Variants in CNIH3 observed in about 807,000 individuals in gnomAD.
CNIH3 encodes cornichon family AMPA receptor auxiliary protein 3, also known as protein cornichon homolog 3.
In CNIH3, 14 loss-of-function variants were observed where a neutral mutation model predicts 24.1. The ratio of observed to expected loss-of-function variants is 0.58; its 90% CI spans 0.38 to 0.91. The LOEUF (loss-of-function observed/expected upper bound fraction) is 0.91. CNIH3 is among the 40% of genes least tolerant of loss of function. The pLI, the probability that CNIH3 is intolerant of heterozygous loss-of-function variation, is 0.00. For missense variants in CNIH3, 178 were observed against 196.8 expected (o/e 0.90, Z 0.57); for synonymous variants, 68 against 73.8 (o/e 0.92, Z 0.40).
intron 2 of CNIH3, among the ~76,000 whole-genome samples, chr1:224,544,796 C>T (rs880368): frequency 0.17 from 26,276 of 152,170 alleles, 2,446 homozygotes; most frequent in South Asian, 0.35. Flanking sequence ...GTCACTATTG[C>T]TGTTGCTATT....
chr1:224,542,702 C>T (rs929042955), intron 2 of CNIH3, among the ~76,000 whole-genome samples: 38 of 152,226 alleles, frequency 2.5e-4, no homozygotes, highest in Middle Eastern at 3.4e-3. Flanking sequence ...TTAGGCAGCC[C>T]AAAGACAGCC....
At chr1:224,693,316 C>G (rs1460913499) in intron 3 of CNIH3, among the ~76,000 whole-genome samples, 1 of 152,218 alleles carries the variant, frequency 6.6e-6, no homozygotes, top group African/African-American at 2.4e-5. Context: ...TGGGCACTGG[C>G]TTTTCACTGG....
In CNIH3 at chr1:224,708,184, C is replaced by T. The variant is rs1201557088; in HGVS notation, c.199-22278C>T. Among the ~76,000 whole-genome samples the T allele has an allele frequency of 2.6e-5, 4 of 152,038 alleles. No homozygotes were observed. In the East Asian group the frequency reaches 5.8e-4, roughly 22 times the overall value. On this transcript the variant is annotated intron_variant, in intron 3 of 5. Transcript: ENST00000272133. ...TGTTGATGCTGAGTTCCCTATTTCC[C>T]CCTCCACTTCCTGTCCTCACCTCTC...
chr1:224,508,039 A>T (rs1316727645), intron 1 of CNIH3, among the ~76,000 whole-genome samples: 1 of 152,248 alleles, frequency 6.6e-6, no homozygotes, highest in African/African-American at 2.4e-5. Flanking sequence ...CTGCCATGCC[A>T]GAGTAGTGAA....
chr1:224,680,420 C>T (rs1686343659), intron 1 of CNIH3, among the ~76,000 whole-genome samples: 1 of 152,220 alleles, frequency 6.6e-6, no homozygotes, highest in Non-Finnish European at 1.5e-5. Context: ...AAGGACTGTG[C>T]TTTGAAGTGC....
intron 4 of CNIH3, chr1:224,574,619 G>C: frequency 1.2e-6 from 1 of 849,604 alleles, no homozygotes. Context: ...TTCGGGAGAA[G>C]CTCAGGGAGC....
At chr1:224,496,517 C>T (rs1474733028) in intron 1 of CNIH3, among the ~76,000 whole-genome samples, 1 of 152,194 alleles carries the variant, frequency 6.6e-6, no homozygotes, top group Non-Finnish European at 1.5e-5. Context: ...AGTATGAGCA[C>T]AGGCCAAGCA....
chr1:224,709,174 G>A (rs1018576429), intron 3 of CNIH3, among the ~76,000 whole-genome samples: 17 of 152,000 alleles, frequency 1.1e-4, no homozygotes, highest in Non-Finnish European at 2.5e-4. Flanking sequence ...CCCTAAGTGT[G>A]GGCCCTCCCC....
intron 1 of CNIH3, chr1:224,435,290 TCA>T (rs2102934264): frequency 1.2e-6 from 1 of 864,338 alleles, no homozygotes. Context: ...AAATCGGGTT[TCA>T]CAACCTACTT....
At chr1:224,686,466 T>C (rs998368250) in intron 3 of CNIH3, among the ~76,000 whole-genome samples, 6 of 152,218 alleles carry the variant, frequency 3.9e-5, no homozygotes, top group African/African-American at 1.4e-4. Flanking sequence ...CCAGTAAACA[T>C]ACGTGTGCAT....
intron 2 of CNIH3, among the ~76,000 whole-genome samples, chr1:224,542,667 G>A (rs944396586): frequency 4.6e-5 from 7 of 152,178 alleles, no homozygotes; most frequent in African/African-American, 1.7e-4. Flanking sequence ...CTAGGAACCA[G>A]GTTTGGAGAA....
chr1:224,443,197 G>C (rs1232545220), intron 1 of CNIH3, among the ~76,000 whole-genome samples: 2 of 152,172 alleles, frequency 1.3e-5, no homozygotes, highest in African/African-American at 4.8e-5. Context: ...GCAAAGGAAG[G>C]CAAGAAGGAG....
At chr1:224,615,386 T>C (rs1289693305), upstream of CNIH3, 1 of 152,198 alleles carries the variant, frequency 6.6e-6, no homozygotes, top group Non-Finnish European at 1.5e-5. Flanking sequence ...GTCAGGAATC[T>C]CTTGCAAAGC....
At chr1:224,484,327 G>A (rs560508743) in intron 1 of CNIH3, among the ~76,000 whole-genome samples, 11 of 152,158 alleles carry the variant, frequency 7.2e-5, no homozygotes, top group African/African-American at 1.2e-4. Flanking sequence ...CTACTGGGGC[G>A]GCTGAGGCAG....
At chr1:224,437,783 T>G (rs1355550488) in intron 1 of CNIH3, among the ~76,000 whole-genome samples, 1 of 152,202 alleles carries the variant, frequency 6.6e-6, no homozygotes, top group Non-Finnish European at 1.5e-5. Flanking sequence ...AAAATATATT[T>G]CTTCTGTAGG....
chr1:224,708,482 A>G (rs1687942858), intron 3 of CNIH3, among the ~76,000 whole-genome samples: 2 of 152,144 alleles, frequency 1.3e-5, no homozygotes, highest in South Asian at 4.1e-4. Context: ...CCAATTCTGG[A>G]AAGAGTCCCT....
intron 1 of CNIH3, among the ~76,000 whole-genome samples, chr1:224,488,904 T>G (rs1572348176): frequency 6.6e-6 from 1 of 152,356 alleles, no homozygotes; most frequent in South Asian, 2.1e-4. Flanking sequence ...CCAAGCGCAT[T>G]TTCCTTTAAG....
At chr1:224,595,865 A>G (rs1185184216) in intron 3 of CNIH3, among the ~76,000 whole-genome samples, 2 of 152,198 alleles carry the variant, frequency 1.3e-5, no homozygotes, top group Non-Finnish European at 2.9e-5. Context: ...CAAGGCCCTA[A>G]CTCTCTTCAA....
intron 1 of CNIH3, among the ~76,000 whole-genome samples, chr1:224,474,194 G>A (rs559531563): frequency 3.2e-4 from 49 of 152,042 alleles, no homozygotes; most frequent in African/African-American, 9.2e-4. Context: ...GAGAAACCCC[G>A]TCTCTACTAA....
Sources: gnomAD v4.1 joint callset for allele counts (sites outside exome capture counted in the v4.1 genomes callset) on GRCh38, gnomAD v4.1.1 for gene constraint, MANE v1.5 for transcripts, NCBI Gene and HGNC (gene_info 2026-07-23, HGNC 2026-07-21) for gene names.